The following ANXA10 variants were observed in gnomAD, a reference collection of about 807,000 sequenced individuals.
ANXA10 encodes the protein annexin 14.
A neutral mutation model predicts 53.5 loss-of-function variants in ANXA10; 49 were observed. The observed-to-expected ratio is 0.92, with a 90% confidence interval of 0.73 to 1.16. The LOEUF (loss-of-function observed/expected upper bound fraction) is 1.16, where lower values mean the gene tolerates loss of function less well. ANXA10 is among the 50% of genes most tolerant of loss of function. The pLI is 0.00. For missense variants in ANXA10, 393 were observed against 394.4 expected, an observed-to-expected ratio of 1.00 and a Z score of 0.03; for synonymous variants, 131 against 128.9, an observed-to-expected ratio of 1.02 and a Z score of -0.11.
At chr4:168,133,337 A>G (rs1731185081) in intron 2 of ANXA10, among the ~76,000 whole-genome samples, 1 of 152,144 alleles carries the variant, frequency 6.6e-6, no homozygotes, top group Admixed American at 6.6e-5. Flanking sequence ...AAATGTATTG[A>G]TCTCTGCACG....
intron 1 of ANXA10, among the ~76,000 whole-genome samples, chr4:168,093,530 A>G (rs1415389765): frequency 1.3e-5 from 2 of 152,186 alleles, no homozygotes; most frequent in Non-Finnish European, 2.9e-5. Context: ...ATGTGTGTTA[A>G]TGATGATTCT....
chr4:168,133,400 A>G (rs1456725034), intron 2 of ANXA10, among the ~76,000 whole-genome samples: 2 of 152,070 alleles, frequency 1.3e-5, no homozygotes, highest in African/African-American at 2.4e-5. Context: ...TGAAGTATGG[A>G]AAAGATGAAA....
intron 10 of ANXA10, among the ~76,000 whole-genome samples, chr4:168,182,548 T>A (rs1732273867): frequency 6.7e-6 from 1 of 149,100 alleles, no homozygotes; most frequent in Admixed American, 6.6e-5. Context: ...TTACCCAGGA[T>A]GGTCTCGATT....
chr4:168,122,131 C>T (rs1397068134), intron 1 of ANXA10, among the ~76,000 whole-genome samples: 1 of 152,256 alleles, frequency 6.6e-6, no homozygotes, highest in African/African-American at 2.4e-5. Flanking sequence ...TGAGCCACCG[C>T]CCCCGGCCAG....
chr4:168,136,534 T>C (rs549090883), intron 2 of ANXA10, among the ~76,000 whole-genome samples: 33 of 152,284 alleles, frequency 2.2e-4, no homozygotes, highest in Admixed American at 1.2e-3. Context: ...AACAGGGCAG[T>C]CATTGAATCT....
At chr4:168,181,551 A>G in intron 9 of ANXA10, 132 bp from the exon 10 acceptor site, 4 of 751,204 alleles carry the variant, frequency 5.3e-6, no homozygotes, top group East Asian at 2.5e-5. Context: ...TAGTGTTACC[A>G]TTATTCTAAG....
At chr4:168,159,716 A>G in intron 3 of ANXA10, among the ~76,000 whole-genome samples, 1 of 152,214 alleles carries the variant, frequency 6.6e-6, no homozygotes, top group Non-Finnish European at 1.5e-5. Flanking sequence ...TGTCTACAGT[A>G]TACATACACA....
intron 8 of ANXA10, 107 bp downstream of exon 8, chr4:168,178,090 T>G: frequency 3.0e-6 from 3 of 1,009,456 alleles, no homozygotes; most frequent in Non-Finnish European, 4.4e-6. Context: ...TAGCGGAAAG[T>G]CAGTTATCTC....
intron 4 of ANXA10, 98 bp downstream of exon 4, chr4:168,162,739 C>A: frequency 2.3e-6 from 2 of 867,106 alleles, no homozygotes; most frequent in Non-Finnish European, 1.9e-6. Context: ...CTTATATGAT[C>A]AAGGAGAGGG....
At chr4:168,116,180 A>T (rs1320391876) in intron 1 of ANXA10, among the ~76,000 whole-genome samples, 6 of 152,194 alleles carry the variant, frequency 3.9e-5, no homozygotes, top group Non-Finnish European at 7.3e-5. Flanking sequence ...ATATAGTTGG[A>T]GCATGAACTA....
At chr4:168,111,308 T>A (rs1730802819) in intron 1 of ANXA10, among the ~76,000 whole-genome samples, 1 of 152,170 alleles carries the variant, frequency 6.6e-6, no homozygotes, top group Non-Finnish European at 1.5e-5. Context: ...TGCTTTATGT[T>A]TAACCCTTCA....
intron 2 of ANXA10, among the ~76,000 whole-genome samples, chr4:168,134,156 A>T (rs539633070): frequency 3.3e-5 from 5 of 152,276 alleles, no homozygotes; most frequent in African/African-American, 9.6e-5. Context: ...AACTGGGAAT[A>T]TCAATAGAAG....
chr4:168,099,482 C>A (rs1044420149), intron 1 of ANXA10, among the ~76,000 whole-genome samples: 1 of 152,004 alleles, frequency 6.6e-6, no homozygotes, highest in Non-Finnish European at 1.5e-5. Flanking sequence ...ATACAGTAGT[C>A]CCTTCACAGT....
intron 3 of ANXA10, among the ~76,000 whole-genome samples, chr4:168,148,366 C>T (rs1731438871): frequency 6.6e-6 from 1 of 152,068 alleles, no homozygotes; most frequent in Non-Finnish European, 1.5e-5. Context: ...GGGGTTTCAC[C>T]ATCTTGGCCA....
At chr4:168,184,818 C>A in intron 11 of ANXA10, 137 bp downstream of exon 11, 1 of 1,162,702 alleles carries the variant, frequency 8.6e-7, no homozygotes, top group Non-Finnish European at 1.2e-6. Flanking sequence ...AGTTTTTTTC[C>A]TCTACACAGT....
chr4:168,101,223 G>A (rs1283126764), intron 1 of ANXA10, among the ~76,000 whole-genome samples: 1 of 151,918 alleles, frequency 6.6e-6, no homozygotes, highest in Non-Finnish European at 1.5e-5. Flanking sequence ...GCTGTATGAT[G>A]TGCTGGCTGC....
chr4:168,168,861 T>C (rs1731929484), intron 6 of ANXA10, among the ~76,000 whole-genome samples: 1 of 152,208 alleles, frequency 6.6e-6, no homozygotes, highest in South Asian at 2.1e-4. Flanking sequence ...ATAGAATTTC[T>C]AAAAGGGAAG....
intron 1 of ANXA10, among the ~76,000 whole-genome samples, chr4:168,093,782 T>C (rs1045699080): frequency 6.6e-6 from 1 of 152,198 alleles, no homozygotes; most frequent in Non-Finnish European, 1.5e-5. Context: ...TACAAAGTAA[T>C]CAATGCAGGA....
chr4:168,147,301 A>G lies in ANXA10; in HGVS notation c.195+7721A>G, dbSNP rs768815738. 3.3e-5 allele frequency among the ~76,000 whole-genome samples: 5 copies of G among 152,190 alleles called. No homozygotes were observed. In the South Asian group the frequency reaches 6.2e-4, roughly 19 times the overall value. ...CCTCCATGGATCAGGCATTCAGTTT[A>G]TACAAGAGTCCAATAGCAGGCCAGT... On this transcript the variant is annotated intron_variant, in intron 3 of 11. Transcript: ENST00000359299.
Sources: gnomAD v4.1 joint callset for allele counts (sites outside exome capture counted in the v4.1 genomes callset) on GRCh38, gnomAD v4.1.1 for gene constraint, MANE v1.5 for transcripts, NCBI Gene and HGNC (gene_info 2026-07-23, HGNC 2026-07-21) for gene names.